MRPL45: variants seen among roughly 807,000 people sequenced by gnomAD.
MRPL45 encodes mitochondrial ribosomal protein L45, also known as large ribosomal subunit protein mL45.
Under a neutral mutation model 38.1 loss-of-function variants are expected in MRPL45, and 20 were observed. That is an observed-to-expected ratio of 0.53 (90% CI 0.37 to 0.76). MRPL45 has a LOEUF of 0.76. MRPL45 is among the 30% of genes least tolerant of loss of function. The pLI is 0.00. For missense variants in MRPL45, 337 were observed against 395.6 expected (o/e 0.85, Z 1.26); for synonymous variants, 105 against 128.8 (o/e 0.82, Z 1.25).
chr17:38,317,645 C>A (rs941510270), intron 4 of MRPL45, among the ~76,000 whole-genome samples: 1 of 151,948 alleles, frequency 6.6e-6, no homozygotes, highest in Non-Finnish European at 1.5e-5. Context: ...GATCTCAGCT[C>A]ACCGCAACCT....
intron 5 of MRPL45, 87 bp downstream of exon 5, chr17:38,318,822 C>CTTTTTT (rs1454412319): frequency 1.5e-4 from 87 of 578,168 alleles, no homozygotes; most frequent in African/African-American, 8.1e-4. Context: ...CTTTTCTTTT[C>CTTTTTT]TTTTCTTTTT....
intron 7 of MRPL45, 58 bp downstream of exon 7, chr17:38,322,357 A>G (rs2037239633): frequency 1.4e-6 from 2 of 1,447,166 alleles, no homozygotes; most frequent in South Asian, 2.3e-5. Flanking sequence ...CTCCTAAGCC[A>G]CTCTGTCGGG....
At chr17:38,318,601 G>C in intron 4 of MRPL45, 86 bp from the exon 5 acceptor site, 2 of 976,104 alleles carry the variant, frequency 2.0e-6, no homozygotes, top group South Asian at 2.7e-5. Flanking sequence ...AAAATGAATT[G>C]TTTTCCATTT....
At chr17:38,310,307 GT>G (rs1376659658) in intron 4 of MRPL45, among the ~76,000 whole-genome samples, 3 of 149,042 alleles carry the variant, frequency 2.0e-5, no homozygotes, top group Admixed American at 2.0e-4. Context: ...GTTTTGGTTA[GT>G]TCTTGTCATT....
chr17:38,299,623 G>T (rs2036972332), intron 3 of MRPL45, among the ~76,000 whole-genome samples, 155 bp downstream of exon 3: 1 of 150,778 alleles, frequency 6.6e-6, no homozygotes, highest in African/African-American at 2.4e-5. Flanking sequence ...TGTATTTAAT[G>T]CAGAATAATG....
chr17:38,321,801 C>T (rs552435106), intron 6 of MRPL45, among the ~76,000 whole-genome samples: 2 of 152,000 alleles, frequency 1.3e-5, no homozygotes, highest in African/African-American at 2.4e-5. Flanking sequence ...GAGGCCGAAG[C>T]GGGTGGATCA....
In MRPL45 at chr17:38,299,364, T is replaced by G; in HGVS notation, c.258T>G (p.Asp86Glu). ...CCTTTATTACAGCTGGTATATTTGATGCCTATGTTCCTCCTGAGGGTGATG... is the reference window on the plus strand; with the variant it reads ...CCTTTATTACAGCTGGTATATTTGAGGCCTATGTTCCTCCTGAGGGTGATG... Reference protein sequence around the residue: ...IHLACTAGIFDAYVPPEGDAR... With the variant: ...IHLACTAGIFEAYVPPEGDAR... The change falls in exon 3 of 8, where the codon GAT (aspartate) becomes GAG (glutamate). Residue 86 changes from aspartate to glutamate, a missense_variant. Asp to Glu is a conservative substitution (Grantham distance 45, BLOSUM62 2). Transcript: ENST00000613675. 1 of 1,597,576 alleles carries G rather than the reference T, an allele frequency of 6.3e-7. No homozygotes were observed. The highest frequency in any genetic ancestry group is 8.5e-7 in the Non-Finnish European group (1 of 1,176,430).
chr17:38,307,754 T>G (rs2037068688), intron 4 of MRPL45, among the ~76,000 whole-genome samples: 1 of 152,324 alleles, frequency 6.6e-6, no homozygotes, highest in African/African-American at 2.4e-5. Context: ...GCTGGCATTC[T>G]TTGATCTGTG....
chr17:38,301,947 C>G (rs1251248511), intron 3 of MRPL45, among the ~76,000 whole-genome samples: 3 of 151,752 alleles, frequency 2.0e-5, no homozygotes, highest in African/African-American at 2.4e-5. Context: ...GAAACCCCGT[C>G]TCTACTAAAA....
chr17:38,297,318 C>T, intron 1 of MRPL45, 69 bp downstream of exon 1: 2 of 1,439,166 alleles, frequency 1.4e-6, no homozygotes, highest in East Asian at 2.3e-5. Flanking sequence ...GAAATACTCT[C>T]TGTGCAATTG....
chr17:38,298,439 T>C lies in MRPL45; in HGVS notation c.67-10T>C. ...TTTTCTAGGTTCCTAACCTTTCCTT[T>C]ACCTTCCAGCCAGTTCTGGTGACTC... On this transcript the variant is annotated splice_polypyrimidine_tract_variant and intron_variant, in intron 1 of 7. Coordinates refer to ENST00000613675, the MANE Select transcript of MRPL45 (RefSeq NM_032351.6). The C allele has an allele frequency of 5.7e-6, 9 of 1,575,982 alleles. No individual in the cohort carries two copies. Among genetic ancestry groups the C allele is most frequent in the Non-Finnish European group, 7.7e-6 (9 of 1,164,654 alleles).
chr17:38,297,855 T>C (rs577734222), intron 1 of MRPL45, among the ~76,000 whole-genome samples: 1 of 152,240 alleles, frequency 6.6e-6, no homozygotes, highest in East Asian at 1.9e-4. Flanking sequence ...CCCAGCACTT[T>C]GAAAGTCCGA....
At chr17:38,307,710 G>T (rs1329722561) in intron 4 of MRPL45, among the ~76,000 whole-genome samples, 3 of 152,158 alleles carry the variant, frequency 2.0e-5, no homozygotes, top group African/African-American at 7.2e-5. Context: ...ACATTAGGAG[G>T]CTGGAATATC....
At chr17:38,322,459 G>C in intron 7 of MRPL45, 50 bp from the exon 8 acceptor site, 1 of 1,508,516 alleles carries the variant, frequency 6.6e-7, no homozygotes, top group South Asian at 1.2e-5. Flanking sequence ...AGCTCTTCTG[G>C]GTCAGCCATG....
intron 5 of MRPL45, among the ~76,000 whole-genome samples, chr17:38,319,819 G>C (rs2144239418): frequency 6.6e-6 from 1 of 152,102 alleles, no homozygotes; most frequent in South Asian, 2.1e-4. Context: ...ATAAGAACTT[G>C]GGGCCGGGTG....
At chr17:38,309,053 C>T (rs1285916607) in intron 4 of MRPL45, among the ~76,000 whole-genome samples, 1 of 151,046 alleles carries the variant, frequency 6.6e-6, no homozygotes, top group African/African-American at 2.4e-5. Flanking sequence ...ACTACAGGTG[C>T]CTGCCACCAC....
chr17:38,311,735 A>AC (rs1567715913), intron 4 of MRPL45, among the ~76,000 whole-genome samples: 1 of 148,868 alleles, frequency 6.7e-6, no homozygotes, highest in Non-Finnish European at 1.5e-5. Flanking sequence ...CACCCCTTCC[A>AC]CCCACTGACG....
chr17:38,316,069 C>T (rs996388078), intron 4 of MRPL45, among the ~76,000 whole-genome samples: 11 of 152,168 alleles, frequency 7.2e-5, no homozygotes, highest in Admixed American at 6.5e-4. Context: ...GCCATTGTGC[C>T]TGGCCGCATT....
intron 4 of MRPL45, among the ~76,000 whole-genome samples, chr17:38,312,580 T>C (rs1184175867): frequency 6.6e-6 from 1 of 152,134 alleles, no homozygotes; most frequent in Non-Finnish European, 1.5e-5. Context: ...TGTTTAACTT[T>C]TTGAAGGTCT....
Sources: gnomAD v4.1 joint callset for allele counts (sites outside exome capture counted in the v4.1 genomes callset) on GRCh38, gnomAD v4.1.1 for gene constraint, MANE v1.5 for transcripts, NCBI Gene and HGNC (gene_info 2026-07-23, HGNC 2026-07-21) for gene names.